PCDHGA9: variants seen among roughly 807,000 people sequenced by gnomAD.
PCDHGA9 encodes the protein protocadherin gamma-A9.
In PCDHGA9, 37 loss-of-function variants were observed where a neutral mutation model predicts 62.5. The observed-to-expected ratio is 0.59, with a 90% CI of 0.46 to 0.78. The LOEUF is 0.78. Ranked by LOEUF, PCDHGA9 falls within the 30% of genes least tolerant of loss-of-function variation. The pLI is 0.00. For synonymous variants in PCDHGA9, 459 were observed against 484.6 expected, an observed-to-expected ratio of 0.95 and a Z score of 0.69; for missense variants, 1,138 against 1,166.2, an observed-to-expected ratio of 0.98 and a Z score of 0.35.
Position 141,511,126 on chromosome 5 carries a change from G to A in PCDHGA9, c.2752G>A (p.Gly918Ser). The A allele has an allele frequency of 1.9e-6, 3 of 1,614,212 alleles. No individual in the cohort carries two copies. The highest frequency in any genetic ancestry group is 2.2e-5 in the South Asian group (2 of 91,086). The change falls in exon 4 of 4, where the codon GGT becomes AGT. Residue 918 changes from glycine to serine, a missense_variant. Coordinates refer to ENST00000573521, the MANE Select transcript of PCDHGA9 (RefSeq NM_018921.3). ...AGKRDGKAPA[G>S]GNGNKKKSGK... ...CAAGCGGGATGGCAAGGCCCCAGCA[G>A]GTGGCAATGGCAACAAGAAGAAGTC...
intron 1 of PCDHGA9, chr5:141,428,122 G>A: frequency 6.2e-7 from 1 of 1,606,172 alleles, no homozygotes; most frequent in Non-Finnish European, 8.5e-7. Context: ...ATCGAGCCCG[G>A]GCTTTTCAGC....
chr5:141,490,956 A>T lies in PCDHGA9; in HGVS notation c.2425-3851A>T. 1.2e-6 allele frequency: 2 copies of T among 1,613,828 alleles called. No homozygotes were observed. The highest frequency in any genetic ancestry group is 1.7e-6 in the Non-Finnish European group (2 of 1,179,852). ...TGCTGCACCCACGGCCAGACTGGGA[A>T]CACTCAGCCCCCCAGCGTCTCCCTC... On this transcript the variant is annotated intron_variant, in intron 1 of 3. Transcript: ENST00000573521. The surrounding 1 kb of genome is among the most constrained non-coding windows in gnomAD (Gnocchi z 5.4).
chr5:141,428,508 T>G, intron 1 of PCDHGA9: 1 of 279,550 alleles, frequency 3.6e-6, no homozygotes, highest in South Asian at 4.0e-5. Flanking sequence ...CCTCGGATTC[T>G]AGAAAAAGAA....
At chr5:141,409,719 CAGTG>C (rs2095305881) in intron 1 of PCDHGA9, 2 of 1,613,090 alleles carry the variant, frequency 1.2e-6, no homozygotes, top group South Asian at 2.2e-5. Flanking sequence ...TCATACGTGT[CAGTG>C]AGCGCGCAGA....
chr5:141,501,381 T>A (rs1261533671), intron 2 of PCDHGA9, among the ~76,000 whole-genome samples: 4 of 151,750 alleles, frequency 2.6e-5, no homozygotes, highest in African/African-American at 9.7e-5. Flanking sequence ...TCTTAAATCC[T>A]AGGTCCTGTC....
intron 2 of PCDHGA9, among the ~76,000 whole-genome samples, chr5:141,495,601 G>C (rs1315613802): frequency 6.6e-6 from 1 of 152,004 alleles, no homozygotes; most frequent in Non-Finnish European, 1.5e-5. Context: ...CTTAGCTTCC[G>C]TCTTGATTGC....
chr5:141,458,168 A>G (rs1287422935), intron 1 of PCDHGA9, among the ~76,000 whole-genome samples: 1 of 152,254 alleles, frequency 6.6e-6, no homozygotes. Context: ...TGTTCACAGT[A>G]GTATACCTTA....
chr5:141,483,401 A>G (rs1052240280), intron 1 of PCDHGA9, among the ~76,000 whole-genome samples: 2 of 152,202 alleles, frequency 1.3e-5, no homozygotes, highest in African/African-American at 4.8e-5. Context: ...TGCTTGAACC[A>G]GCACAGTGGC....
rs375228847 is a variant in PCDHGA9, at chr5:141,431,219, C to G, written c.2424+25843C>G. ...TGCAGCCACTGAGATGCGGTTCCCTCTACCCCACGCCTGGGATCCGGATAT... is the reference window on the plus strand; with the variant it reads ...TGCAGCCACTGAGATGCGGTTCCCTGTACCCCACGCCTGGGATCCGGATAT... On this transcript the variant is annotated intron_variant, in intron 1 of 3. Coordinates refer to ENST00000573521, the MANE Select transcript of PCDHGA9 (RefSeq NM_018921.3). This position sits in a 1 kb window ranked among gnomAD's most constrained non-coding sequence, Gnocchi z 4.8. 2.5e-6 allele frequency: 4 copies of G among 1,614,180 alleles called. No individual in the cohort carries two copies. The highest frequency in any genetic ancestry group is 1.6e-4 in the Middle Eastern group (1 of 6,062).
At chr5:141,496,888 T>TAA (rs35063790) in intron 2 of PCDHGA9, among the ~76,000 whole-genome samples, 141 of 134,106 alleles carry the variant, frequency 1.1e-3, no homozygotes, top group East Asian at 2.4e-3. Context: ...AAGTAACACT[T>TAA]AAAAAAAAAA....
intron 1 of PCDHGA9, among the ~76,000 whole-genome samples, chr5:141,454,796 A>ATTTTTTTTTTT (rs61612330): frequency 0.014 from 1,093 of 77,476 alleles, 165 homozygotes; most frequent in African/African-American, 0.018. Flanking sequence ...CATGGTTCTA[A>ATTTTTTTTTTT]TTTTTTTTTT....
chr5:141,492,425 C>T (rs1243599547), intron 1 of PCDHGA9, among the ~76,000 whole-genome samples: 1 of 152,254 alleles, frequency 6.6e-6, no homozygotes, highest in Non-Finnish European at 1.5e-5. Flanking sequence ...CTCCGCCGGG[C>T]TCAGGAGTAC....
intron 1 of PCDHGA9, chr5:141,433,007 C>T (rs550227016): frequency 1.2e-6 from 2 of 1,614,198 alleles, no homozygotes; most frequent in Admixed American, 3.3e-5. Context: ...GCAGGCTTTC[C>T]TGCAGACCTA....
chr5:141,439,042 A>C (rs2098084096), intron 1 of PCDHGA9, among the ~76,000 whole-genome samples: 1 of 151,642 alleles, frequency 6.6e-6, no homozygotes, highest in Non-Finnish European at 1.5e-5. Context: ...TCAGTTCATA[A>C]GATTTCCATA....
chr5:141,415,747 T>TTTG, intron 1 of PCDHGA9: 1 of 797,602 alleles, frequency 1.3e-6, no homozygotes, highest in East Asian at 4.8e-5. Flanking sequence ...AAGGTTTTTT[T>TTTG]TTTTTTTTTT....
In PCDHGA9 at chr5:141,485,269, C is replaced by T. The variant is rs760197007; in HGVS notation, c.2425-9538C>T. The T allele has an allele frequency of 6.2e-7, 1 of 1,614,090 alleles. No homozygotes were observed. Among genetic ancestry groups the T allele is most frequent in the Admixed American group, 1.7e-5 (1 of 60,028 alleles). On this transcript the variant is annotated intron_variant, in intron 1 of 3. Transcript: ENST00000573521. The surrounding 1 kb of genome is among the most constrained non-coding windows in gnomAD (Gnocchi z 5.7). ...TGGGTTACGTTTGTGGGCAGATCCG[C>T]TACCCGGTCCCAGAGGAGTCACAGG... is the stretch of plus-strand genomic sequence containing the variant.
intron 1 of PCDHGA9, chr5:141,415,653 G>C (rs947379829): frequency 1.4e-5 from 22 of 1,539,304 alleles, no homozygotes; most frequent in Non-Finnish European, 1.9e-5. Context: ...AAAAAAAAAA[G>C]ATTGGTTTTT....
chr5:141,482,859 G>A (rs1371172226), intron 1 of PCDHGA9, among the ~76,000 whole-genome samples: 3 of 148,230 alleles, frequency 2.0e-5, no homozygotes, highest in Admixed American at 6.7e-5. Flanking sequence ...ATCACTTGAG[G>A]TCAGGAGTTT....
chr5:141,477,854 C>T lies in PCDHGA9; in HGVS notation c.2425-16953C>T. Reference sequence around the variant, plus strand: ...GCCAGGTGGGAGCTCGGTGGAGATGCTGCCTCGAGGTACCTCAGCTGGCCA... The same window carrying T: ...GCCAGGTGGGAGCTCGGTGGAGATGTTGCCTCGAGGTACCTCAGCTGGCCA... On this transcript the variant is annotated intron_variant, in intron 1 of 3. Transcript: ENST00000573521. This position sits in a 1 kb window ranked among gnomAD's most constrained non-coding sequence, Gnocchi z 4.9. 1.9e-6 allele frequency: 3 copies of T among 1,614,098 alleles called. No individual in the cohort carries two copies. The South Asian group carries it at 3.3e-5, about 18-fold the overall frequency.
Sources: allele counts gnomAD v4.1 joint callset (sites outside exome capture counted in the v4.1 genomes callset), GRCh38; gene constraint gnomAD v4.1.1; non-coding constraint Gnocchi (gnomAD v3.1); transcripts MANE v1.5; gene names NCBI Gene and HGNC (gene_info 2026-07-23, HGNC 2026-07-21).